Variants in PCAT7 observed in about 807,000 individuals in gnomAD.
The protein encoded by PCAT7 is prostate cancer associated transcript 7.
intron 3 of PCAT7, among the ~76,000 whole-genome samples, chr9:94,573,384 G>C (rs904145917): frequency 6.6e-6 from 1 of 152,112 alleles, no homozygotes; most frequent in Admixed American, 6.5e-5. Context: ...TCAACTTCTT[G>C]AGTAGCTGGG....
At chr9:94,558,874 G>A (rs769161217) in intron 1 of PCAT7, 54 of 1,460,046 alleles carry the variant, frequency 3.7e-5, no homozygotes, top group East Asian at 9.1e-5. Flanking sequence ...TCTGTTTATC[G>A]TTCATTTAGG....
chr9:94,558,875 T>G, intron 1 of PCAT7: 1 of 1,477,694 alleles, frequency 6.8e-7, no homozygotes, highest in Non-Finnish European at 9.4e-7. Context: ...CTGTTTATCG[T>G]TCATTTAGGG....
At chr9:94,571,458 C>T (rs1161862217) in intron 2 of PCAT7, 2 of 1,608,650 alleles carry the variant, frequency 1.2e-6, no homozygotes, top group Non-Finnish European at 1.7e-6. Context: ...TATTCTGTAC[C>T]TACCGGGTCA....
upstream of PCAT7, chr9:94,554,952 T>C (rs529860936): frequency 6.6e-6 from 1 of 152,364 alleles, no homozygotes; most frequent in Admixed American, 6.5e-5. Flanking sequence ...CTACATGTTC[T>C]GATTGGATGA....
At chr9:94,559,633 G>A (rs1827064495) in intron 2 of PCAT7, among the ~76,000 whole-genome samples, 1 of 152,102 alleles carries the variant, frequency 6.6e-6, no homozygotes, top group Non-Finnish European at 1.5e-5. Context: ...CTTAAGCTTT[G>A]ACTTGTCTAA....
intron 2 of PCAT7, among the ~76,000 whole-genome samples, chr9:94,559,705 G>A (rs1344467358): frequency 3.9e-5 from 6 of 152,080 alleles, no homozygotes; most frequent in Admixed American, 6.6e-5. Flanking sequence ...AAATCCCATC[G>A]TTTGCACTCC....
intron 2 of PCAT7, chr9:94,571,574 T>A: frequency 1.2e-6 from 2 of 1,613,734 alleles, no homozygotes; most frequent in Non-Finnish European, 1.7e-6. Context: ...CTGCAGGGCA[T>A]CCTTTTCAGA....
intron 2 of PCAT7, chr9:94,563,324 T>G: frequency 6.2e-7 from 1 of 1,612,388 alleles, no homozygotes; most frequent in Non-Finnish European, 8.5e-7. Flanking sequence ...GCACAGCCAG[T>G]GGACAAGGGA....
intron 2 of PCAT7, among the ~76,000 whole-genome samples, chr9:94,566,437 CA>C (rs1190437599): frequency 6.6e-6 from 1 of 152,270 alleles, no homozygotes; most frequent in Non-Finnish European, 1.5e-5. Context: ...TGCAGTTAAC[CA>C]GCCCAACCTA....
chr9:94,561,806 G>T (rs1827109070), intron 2 of PCAT7, among the ~76,000 whole-genome samples: 3 of 152,326 alleles, frequency 2.0e-5, no homozygotes, highest in African/African-American at 7.2e-5. Context: ...GAAATGCGGA[G>T]ATTAGGATCC....
exon 2 of PCAT7, chr9:94,559,121 C>T (rs1342915155): frequency 5.6e-6 from 9 of 1,611,620 alleles, no homozygotes; most frequent in Non-Finnish European, 7.6e-6. Flanking sequence ...TGCATTCATA[C>T]AGGAGCCGGA....
intron 2 of PCAT7, chr9:94,567,354 T>G: frequency 6.2e-7 from 1 of 1,614,176 alleles, no homozygotes; most frequent in Non-Finnish European, 8.5e-7. Context: ...TGTAAATCTT[T>G]CCTTTCTTCT....
intron 2 of PCAT7, chr9:94,567,470 A>C: frequency 1.3e-6 from 2 of 1,589,730 alleles, no homozygotes; most frequent in Non-Finnish European, 1.7e-6. Context: ...CAACCGCACA[A>C]TCCCCACATC....
At chr9:94,565,090 T>C (rs1827165926) in intron 2 of PCAT7, among the ~76,000 whole-genome samples, 1 of 152,162 alleles carries the variant, frequency 6.6e-6, no homozygotes, top group South Asian at 2.1e-4. Flanking sequence ...AATAAAACAA[T>C]GGGTCTGGCA....
upstream of PCAT7, among the ~76,000 whole-genome samples, chr9:94,554,900 T>G (rs1826983009): frequency 1.3e-5 from 2 of 152,150 alleles, no homozygotes; most frequent in African/African-American, 4.8e-5. Flanking sequence ...GACGCGCCGC[T>G]GCCTCAGCAT....
intron 2 of PCAT7, chr9:94,567,707 T>C: frequency 3.1e-6 from 1 of 324,156 alleles, no homozygotes; most frequent in Non-Finnish European, 5.7e-6. Context: ...GGCTCCTCAT[T>C]TATGGTGAAC....
At chr9:94,555,808 A>G (rs568742760) in intron 1 of PCAT7, among the ~76,000 whole-genome samples, 50 of 151,598 alleles carry the variant, frequency 3.3e-4, no homozygotes, top group Non-Finnish European at 5.3e-4. Context: ...GAGGAGGGAA[A>G]GAGGGTGACA....
intron 1 of PCAT7, among the ~76,000 whole-genome samples, chr9:94,557,100 A>G (rs1271610123): frequency 2.0e-5 from 3 of 152,132 alleles, no homozygotes; most frequent in African/African-American, 4.8e-5. Flanking sequence ...TGATAGTACC[A>G]TACTGTTTTG....
intron 1 of PCAT7, chr9:94,558,833 AT>A: frequency 9.2e-7 from 1 of 1,088,218 alleles, no homozygotes. Context: ...GATTAAGTGG[AT>A]TTACCTTTTG....
Sources: allele counts gnomAD v4.1 joint callset (sites outside exome capture counted in the v4.1 genomes callset), GRCh38; gene constraint gnomAD v4.1.1; transcripts MANE v1.5; gene names NCBI Gene and HGNC (gene_info 2026-07-23, HGNC 2026-07-21).